The following ITPR2 variants were observed in gnomAD, a reference collection of about 807,000 sequenced individuals.
ITPR2 encodes inositol 1,4,5-trisphosphate-gated calcium channel ITPR2.
A neutral mutation model predicts 317.1 loss-of-function variants in ITPR2; 207 were observed. The ratio of observed to expected loss-of-function variants is 0.65; its 90% CI spans 0.58 to 0.73. The LOEUF (loss-of-function observed/expected upper bound fraction) is 0.73, where lower values mean the gene tolerates loss of function less well. Among genes scored for constraint, ITPR2 ranks in the 30% least tolerant of loss-of-function variants. The pLI is 0.00. For missense variants in ITPR2, 2,613 were observed against 3,284.0 expected (o/e 0.80, Z 4.99); for synonymous variants, 1,156 against 1,149.1 (o/e 1.01, Z -0.12).
At chr12:26,661,273 TGTGGG>T (rs1291363603) in intron 15 of ITPR2, among the ~76,000 whole-genome samples, 2 of 14,294 alleles carry the variant, frequency 1.4e-4, no homozygotes, top group African/African-American at 3.5e-4. Context: ...GGGGTGTGTG[TGTGGG>T]GGGGGGGGGG....
chr12:26,784,095 T>C (rs1203602894), intron 2 of ITPR2, among the ~76,000 whole-genome samples: 1 of 151,748 alleles, frequency 6.6e-6, no homozygotes, highest in Non-Finnish European at 1.5e-5. Flanking sequence ...CAGTCAGTAG[T>C]AATGTACAAA....
intron 2 of ITPR2, among the ~76,000 whole-genome samples, chr12:26,751,615 A>C (rs575658190): frequency 3.5e-4 from 53 of 152,312 alleles, no homozygotes; most frequent in African/African-American, 1.3e-3. Flanking sequence ...GATGCCTGTA[A>C]TCCCAGCACT....
chr12:26,721,556 G>A (rs956917959), intron 5 of ITPR2, among the ~76,000 whole-genome samples: 3 of 151,986 alleles, frequency 2.0e-5, no homozygotes, highest in Non-Finnish European at 4.4e-5. Context: ...AATACTTGCA[G>A]GTATTTATGA....
rs1206860571 is a variant in ITPR2, at chr12:26,387,512, C to T, written c.7779G>A (p.Leu2593=). Residue 2593 remains leucine, a synonymous_variant, in exon 55 of 57, where the codon TTG becomes TTA. Transcript: ENST00000381340. ...IKSEHNMWHY[L]YFIVLVKVKD... ...TAACTTTCACCAGGACTATGAAGTACAAATAATGCCACATATTGTGTTCTG... is the reference window on the plus strand; with the variant it reads ...TAACTTTCACCAGGACTATGAAGTATAAATAATGCCACATATTGTGTTCTG... 3.1e-6 allele frequency: 5 copies of T among 1,613,672 alleles called. No individual in the cohort carries two copies. The South Asian group carries it at 3.3e-5, about 11-fold the overall frequency.
chr12:26,697,369 C>T (rs751783030), intron 9 of ITPR2, among the ~76,000 whole-genome samples: 1 of 152,176 alleles, frequency 6.6e-6, no homozygotes, highest in Non-Finnish European at 1.5e-5. Context: ...AGGGAGATTC[C>T]TTCTCAGAGT....
At chr12:26,657,599 C>A in intron 18 of ITPR2, 108 bp downstream of exon 18, 1 of 832,918 alleles carries the variant, frequency 1.2e-6, no homozygotes, top group Non-Finnish European at 1.9e-6. Context: ...TCTGACATGA[C>A]TTTTAAAATT....
chr12:26,750,728 G>A (rs996454130), intron 2 of ITPR2, among the ~76,000 whole-genome samples: 6 of 152,128 alleles, frequency 3.9e-5, no homozygotes, highest in African/African-American at 1.4e-4. Flanking sequence ...ACAGACAGAA[G>A]GCTCTAAGCA....
Position 26,486,155 on chromosome 12 carries a change from T to G in ITPR2, c.5760A>C (p.Pro1920=). 6.2e-7 allele frequency: 1 copy of G among 1,614,196 alleles called. No individual in the cohort carries two copies. Among genetic ancestry groups the G allele is most frequent in the Non-Finnish European group, 8.5e-7 (1 of 1,180,000 alleles). ...TMSPAIAIMQ[P]ILRFLQLLCE... Reference sequence around the variant, plus strand: ...ACAGTAACTGAAGAAATCTCAGTATTGGCTGCATGATGGCAATTGCGGGAC... The same window carrying G: ...ACAGTAACTGAAGAAATCTCAGTATGGGCTGCATGATGGCAATTGCGGGAC... The change falls in exon 41 of 57, where the codon CCA becomes CCC. Residue 1920 remains proline, a synonymous_variant. Transcript: ENST00000381340.
chr12:26,443,132 TA>T (rs1193491396), intron 46 of ITPR2, among the ~76,000 whole-genome samples: 37 of 152,320 alleles, frequency 2.4e-4, no homozygotes, highest in African/African-American at 8.7e-4. Context: ...AAAACTGTAT[TA>T]GTTTCTTTCA....
intron 34 of ITPR2, among the ~76,000 whole-genome samples, chr12:26,576,630 C>T (rs1945285074): frequency 6.6e-6 from 1 of 152,138 alleles, no homozygotes; most frequent in Non-Finnish European, 1.5e-5. Context: ...AATCAGAACT[C>T]AAGTGGAGTG....
chr12:26,489,209 T>C (rs1942742521), intron 39 of ITPR2, among the ~76,000 whole-genome samples: 1 of 152,174 alleles, frequency 6.6e-6, no homozygotes, highest in African/African-American at 2.4e-5. Context: ...CTTAGGAAAC[T>C]ACCTCCATTA....
Position 26,391,555 on chromosome 12 carries a change from C to CTTTTTTTTTTTTTTTTTTT in ITPR2, c.7697-3962_7697-3961insAAAAAAAAAAAAAAAAAAA, listed in dbSNP as rs1491173931. 5.6e-4 allele frequency among the ~76,000 whole-genome samples: 40 copies of CTTTTTTTTTTTTTTTTTTT among 70,856 alleles called. 13 individuals carry two copies. Among genetic ancestry groups the CTTTTTTTTTTTTTTTTTTT allele is most frequent in the East Asian group, 7.1e-4 (1 of 1,416 alleles). 46.5% of individuals were successfully genotyped at this position (70,856 alleles called of 152,430 possible). A position where few individuals can be genotyped will look rare whatever the true frequency, so the allele number is the denominator to read the frequency against. ...AGCTTCTTCTTCTTCTTCTTCTTTT[C>CTTTTTTTTTTTTTTTTTTT]CTTTTTTTTTTTTTTTTTTTTTTTT... On this transcript the variant is annotated intron_variant, in intron 54 of 56. Transcript: ENST00000381340.
chr12:26,716,008 A>ATATG (rs1381013726), intron 6 of ITPR2, 136 bp downstream of exon 6: 3 of 711,432 alleles, frequency 4.2e-6, no homozygotes, highest in Non-Finnish European at 7.2e-6. Flanking sequence ...AATCACAGCT[A>ATATG]TATGTACCTT....
At chr12:26,495,049 G>C (rs555488951) in intron 38 of ITPR2, 103 bp downstream of exon 38, 23 of 706,534 alleles carry the variant, frequency 3.3e-5, no homozygotes, top group African/African-American at 2.9e-4. Flanking sequence ...ATTTTTAAAT[G>C]ACTCTTTTAT....
intron 36 of ITPR2, among the ~76,000 whole-genome samples, chr12:26,553,956 C>A (rs972386922): frequency 3.3e-5 from 5 of 152,146 alleles, no homozygotes; most frequent in Non-Finnish European, 7.4e-5. Context: ...TGCAATAGCA[C>A]AAAAATCCCT....
intron 54 of ITPR2, among the ~76,000 whole-genome samples, chr12:26,390,477 C>T (rs559501944): frequency 1.3e-5 from 2 of 152,196 alleles, no homozygotes; most frequent in East Asian, 3.9e-4. Flanking sequence ...AAACATCCTA[C>T]TAAGTGAAAG....
At chr12:26,460,425 G>A (rs1235485228) in intron 45 of ITPR2, among the ~76,000 whole-genome samples, 1 of 152,164 alleles carries the variant, frequency 6.6e-6, no homozygotes, top group Admixed American at 6.5e-5. Context: ...AAGTGGCAGA[G>A]GTTAATGTCT....
intron 2 of ITPR2, among the ~76,000 whole-genome samples, chr12:26,778,189 G>A (rs917581730): frequency 3.3e-5 from 5 of 152,178 alleles, no homozygotes; most frequent in Admixed American, 1.3e-4. Context: ...ACTGTGGTGG[G>A]AAAGGCCAAA....
intron 21 of ITPR2, among the ~76,000 whole-genome samples, chr12:26,647,657 C>CA (rs1347955100): frequency 6.6e-6 from 1 of 152,238 alleles, no homozygotes; most frequent in East Asian, 1.9e-4. Flanking sequence ...GGTGCCTGTG[C>CA]ATTTAAAATC....
Sources: gnomAD v4.1 joint callset for allele counts (sites outside exome capture counted in the v4.1 genomes callset) on GRCh38, gnomAD v4.1.1 for gene constraint, MANE v1.5 for transcripts, NCBI Gene and HGNC (gene_info 2026-07-23, HGNC 2026-07-21) for gene names.